Variants in TULP4 observed in about 807,000 individuals in gnomAD.
The protein encoded by TULP4 is TUB like protein 4.
A neutral mutation model predicts 129.0 loss-of-function variants in TULP4; 16 were observed. That is an observed-to-expected ratio of 0.12 (90% CI 0.08 to 0.19). The LOEUF is 0.19. Among genes scored for constraint, TULP4 ranks in the 10% least tolerant of loss-of-function variants. The pLI, the probability that TULP4 is intolerant of heterozygous loss-of-function variation, is 1.00. For synonymous variants in TULP4, 998 were observed against 854.0 expected, an observed-to-expected ratio of 1.17 and a Z score of -2.94; for missense variants, 1,842 against 2,059.1, an observed-to-expected ratio of 0.89 and a Z score of 2.04.
At chr6:158,409,618 G>C (rs920538199) in intron 1 of TULP4, among the ~76,000 whole-genome samples, 16 of 152,148 alleles carry the variant, frequency 1.1e-4, no homozygotes, top group African/African-American at 3.4e-4. Context: ...GAAGGATTTA[G>C]AGAACAGGAA....
intron 1 of TULP4, among the ~76,000 whole-genome samples, chr6:158,283,625 CTG>C (rs1187217816): frequency 2.0e-5 from 3 of 152,206 alleles, no homozygotes; most frequent in Non-Finnish European, 4.4e-5. Context: ...TGTTCTTAAA[CTG>C]TCCTCTTTAT....
At chr6:158,395,487 A>T (rs529695970) in intron 1 of TULP4, among the ~76,000 whole-genome samples, 1 of 151,920 alleles carries the variant, frequency 6.6e-6, no homozygotes, top group South Asian at 2.1e-4. Context: ...AGGCTGAGGC[A>T]GGAGAATCGC....
At chr6:158,277,447 C>T (rs1215385430), upstream of TULP4, among the ~76,000 whole-genome samples, 1 of 152,158 alleles carries the variant, frequency 6.6e-6, no homozygotes, top group Non-Finnish European at 1.5e-5. Context: ...ATGCTTATGA[C>T]ATTACTTCTC....
chr6:158,406,250 T>C (rs756531299), intron 1 of TULP4, among the ~76,000 whole-genome samples: 2 of 152,158 alleles, frequency 1.3e-5, no homozygotes, highest in Non-Finnish European at 2.9e-5. Context: ...TTAGCCTACC[T>C]TTCCTCATCT....
intron 2 of TULP4, among the ~76,000 whole-genome samples, chr6:158,425,696 C>T (rs888972342): frequency 2.0e-5 from 3 of 151,742 alleles, no homozygotes; most frequent in African/African-American, 2.4e-5. Flanking sequence ...CTCCACCTCC[C>T]AGGTTCAAGC....
chr6:158,429,788 G>A lies in TULP4; in HGVS notation c.434G>A (p.Arg145Gln), dbSNP rs199717475. The A allele has an allele frequency of 3.1e-6, 5 of 1,613,996 alleles. No individual in the cohort carries two copies. Among genetic ancestry groups the A allele is most frequent in the East Asian group, 2.2e-5 (1 of 44,860 alleles). ...GGAACTCAAGCACTTATTTCCTATC[G>A]AGATGGGTTTGTCCTGGTTGGGTCT... ...HDGTQALISY[R>Q]DGFVLVGSVS... Residue 145 changes from arginine to glutamine, a missense_variant, in exon 3 of 14, where the codon CGA becomes CAA. Physicochemically the swap from Arg to Gln is conservative, Grantham distance 43. Coordinates refer to ENST00000367097, the MANE Select transcript of TULP4 (RefSeq NM_020245.5).
At chr6:158,481,854 T>C (rs1779953717) in intron 8 of TULP4, among the ~76,000 whole-genome samples, 1 of 152,220 alleles carries the variant, frequency 6.6e-6, no homozygotes, top group South Asian at 2.1e-4. Flanking sequence ...AGTTAATGTA[T>C]TCAAGATGCT....
intron 5 of TULP4, among the ~76,000 whole-genome samples, chr6:158,453,501 A>AAAAAAAAAAAAAC (rs1779212958): frequency 7.2e-6 from 1 of 139,374 alleles, no homozygotes; most frequent in African/African-American, 2.8e-5. Context: ...AAAAAAAAAA[A>AAAAAAAAAAAAAC]AAAAAAAAGC....
At chr6:158,294,214 A>G (rs775615342) in intron 1 of TULP4, among the ~76,000 whole-genome samples, 2 of 152,052 alleles carry the variant, frequency 1.3e-5, no homozygotes, top group African/African-American at 2.4e-5. Flanking sequence ...AAATACAAAC[A>G]TTAGCTGGGC....
chr6:158,273,750 C>T (rs1778590654), intron 1 of TULP4, among the ~76,000 whole-genome samples: 1 of 152,164 alleles, frequency 6.6e-6, no homozygotes, highest in South Asian at 2.1e-4. Context: ...TCTGTCTGGT[C>T]CTAACAATAG....
intron 1 of TULP4, among the ~76,000 whole-genome samples, chr6:158,330,108 A>G (rs534880285): frequency 2.7e-5 from 4 of 147,876 alleles, no homozygotes; most frequent in African/African-American, 1.0e-4. Context: ...TGTAATCGAT[A>G]TACAAACTAC....
At chr6:158,431,766 G>A (rs1469843105) in intron 3 of TULP4, among the ~76,000 whole-genome samples, 2 of 152,078 alleles carry the variant, frequency 1.3e-5, no homozygotes, top group Non-Finnish European at 2.9e-5. Flanking sequence ...CGTGAAGGGG[G>A]ACTCCTGGGG....
In TULP4 at chr6:158,452,164, A is replaced by G. The variant is rs769848337; in HGVS notation, c.755A>G (p.Gln252Arg). 1.2e-6 allele frequency: 2 copies of G among 1,614,240 alleles called. No individual in the cohort carries two copies. ...DGPAAYPIPVQNIKPLLTVSF... is the reference protein window; with the variant it reads ...DGPAAYPIPVRNIKPLLTVSF... ...CCGGCAGCATATCCCATCCCAGTGC[A>G]GAACATCAAGCCTCTGCTCACCGTC... Residue 252 changes from glutamine to arginine, a missense_variant, in exon 5 of 14, where the codon CAG becomes CGG. Coordinates refer to ENST00000367097, the MANE Select transcript of TULP4 (RefSeq NM_020245.5).
chr6:158,351,271 G>A (rs1467885861), intron 1 of TULP4, among the ~76,000 whole-genome samples: 3 of 152,184 alleles, frequency 2.0e-5, no homozygotes, highest in Non-Finnish European at 4.4e-5. Context: ...GTGCAGAACT[G>A]CCTTGTGGCT....
At chr6:158,479,400 T>C (rs1779889308) in intron 6 of TULP4, among the ~76,000 whole-genome samples, 1 of 152,230 alleles carries the variant, frequency 6.6e-6, no homozygotes, top group Non-Finnish European at 1.5e-5. Context: ...GCTTTAATGC[T>C]CTGGCCTGGG....
chr6:158,319,077 A>G (rs1779563115), intron 1 of TULP4, among the ~76,000 whole-genome samples: 1 of 152,106 alleles, frequency 6.6e-6, no homozygotes, highest in Non-Finnish European at 1.5e-5. Flanking sequence ...CTCTGAAAAT[A>G]GCAAGTTTTT....
intron 1 of TULP4, among the ~76,000 whole-genome samples, chr6:158,264,478 A>G (rs543694397): frequency 2.0e-5 from 3 of 152,194 alleles, no homozygotes; most frequent in South Asian, 2.1e-4. Flanking sequence ...AACTCAAGCC[A>G]TTTTCCCTCT....
chr6:158,434,855 T>C (rs1224857689), intron 3 of TULP4, among the ~76,000 whole-genome samples: 1 of 152,116 alleles, frequency 6.6e-6, no homozygotes, highest in Non-Finnish European at 1.5e-5. Context: ...AAACTTCAAT[T>C]TGAGACTCCA....
chr6:158,358,260 A>G (rs530275789), intron 1 of TULP4, among the ~76,000 whole-genome samples: 1 of 152,336 alleles, frequency 6.6e-6, no homozygotes, highest in South Asian at 2.1e-4. Flanking sequence ...TGTTAAGATA[A>G]TGAAACAGCT....
Sources: allele counts gnomAD v4.1 joint callset (sites outside exome capture counted in the v4.1 genomes callset), GRCh38; gene constraint gnomAD v4.1.1; transcripts MANE v1.5; gene names NCBI Gene and HGNC (gene_info 2026-07-23, HGNC 2026-07-21).